The following TTC29 variants were observed in gnomAD, a reference collection of about 807,000 sequenced individuals.
TTC29 encodes the protein tetratricopeptide repeat domain 29.
A neutral mutation model predicts 58.1 loss-of-function variants in TTC29; 49 were observed. That is an observed-to-expected ratio of 0.84 (90% confidence interval 0.67 to 1.07). The LOEUF is 1.07. TTC29 is among the 50% of genes least tolerant of loss of function. The probability of loss-of-function intolerance (pLI) is 0.00; values close to 1 mark genes in which losing one functional copy is unlikely to be tolerated. For synonymous variants in TTC29, 209 were observed against 196.8 expected (o/e 1.06, Z -0.52); for missense variants, 582 against 555.6 (o/e 1.05, Z -0.48).
chr4:146,934,257 A>T (rs1021489758), intron 4 of TTC29: 3 of 152,290 alleles, frequency 2.0e-5, no homozygotes, highest in Non-Finnish European at 4.4e-5. Context: ...AATGAAGACC[A>T]GGAGATGAAC....
intron 8 of TTC29, 40 bp from the exon 9 acceptor site, chr4:146,833,937 C>T (rs750854671): frequency 2.3e-6 from 3 of 1,306,778 alleles, no homozygotes; most frequent in African/African-American, 1.5e-5. Context: ...TATAGCACAG[C>T]CAGATACGCT....
chr4:146,742,749 T>TCCCTCCCCTCCCCTC (rs1245952141), intron 11 of TTC29, among the ~76,000 whole-genome samples: 2 of 125,224 alleles, frequency 1.6e-5, no homozygotes, highest in Admixed American at 8.3e-5. Flanking sequence ...CCCCTCCCTT[T>TCCCTCCCCTCCCCTC]CCCTCCCCTC....
chr4:146,866,339 G>A lies in TTC29; in HGVS notation c.885+1159C>T, dbSNP rs112435425. On this transcript the variant is annotated intron_variant, in intron 8 of 12. Transcript: ENST00000325106. Reference sequence around the variant, plus strand: ...GAGTATGTCCATGTTGAGTGTGTACGCATGTGTGCACACACGTATATTTGC... The same window carrying A: ...GAGTATGTCCATGTTGAGTGTGTACACATGTGTGCACACACGTATATTTGC... 9.0e-3 allele frequency among the ~76,000 whole-genome samples: 1,366 copies of A among 152,222 alleles called. 6 individuals carry two copies. Among genetic ancestry groups the A allele is most frequent in the Middle Eastern group, 0.02 (6 of 294 alleles).
At chr4:146,902,869 T>A (rs918338240) in intron 6 of TTC29, among the ~76,000 whole-genome samples, 4 of 152,214 alleles carry the variant, frequency 2.6e-5, no homozygotes, top group African/African-American at 4.8e-5. Flanking sequence ...AAGTAAAAAC[T>A]TTTATGCAAA....
At chr4:146,848,199 T>A (rs1439417339) in intron 8 of TTC29, among the ~76,000 whole-genome samples, 2 of 152,212 alleles carry the variant, frequency 1.3e-5, no homozygotes, top group African/African-American at 4.8e-5. Flanking sequence ...AAACACACAT[T>A]ATACTTTCTT....
chr4:146,939,916 A>T lies in TTC29; in HGVS notation c.-6-15T>A. On this transcript the variant is annotated splice_polypyrimidine_tract_variant and intron_variant, in intron 2 of 12. Coordinates refer to ENST00000325106, the MANE Select transcript of TTC29 (RefSeq NM_031956.4). ...GTCATTTCGGACTACAAAAAGAAATAAGTAGAAATTGTATTTTAAGGAATA... is the reference window on the plus strand; with the variant it reads ...GTCATTTCGGACTACAAAAAGAAATTAGTAGAAATTGTATTTTAAGGAATA... The T allele has an allele frequency of 6.3e-7, 1 of 1,593,952 alleles. No homozygotes were observed. Among genetic ancestry groups the T allele is most frequent in the South Asian group, 1.1e-5 (1 of 87,922 alleles).
chr4:146,863,396 A>G (rs1337621823), intron 8 of TTC29, among the ~76,000 whole-genome samples: 1 of 151,644 alleles, frequency 6.6e-6, no homozygotes, highest in Non-Finnish European at 1.5e-5. Flanking sequence ...AACACTATTA[A>G]CTCTCTCTCT....
chr4:146,825,336 T>C (rs116496136), intron 9 of TTC29, among the ~76,000 whole-genome samples: 22 of 152,316 alleles, frequency 1.4e-4, no homozygotes, highest in Non-Finnish European at 2.9e-4. Context: ...AACTTCTTAA[T>C]CTCCATCCTA....
At chr4:146,892,379 A>G (rs1411620148) in intron 6 of TTC29, among the ~76,000 whole-genome samples, 8 of 152,224 alleles carry the variant, frequency 5.3e-5, no homozygotes. Flanking sequence ...CTGGTTCAAC[A>G]TACGCAAATC....
chr4:146,934,289 T>C (rs1735585236), intron 4 of TTC29: 1 of 152,126 alleles, frequency 6.6e-6, no homozygotes, highest in South Asian at 2.1e-4. Flanking sequence ...TTTGGAGTTG[T>C]AGCTGATCGG....
At chr4:146,868,346 C>T (rs1457873791) in intron 7 of TTC29, among the ~76,000 whole-genome samples, 4 of 152,124 alleles carry the variant, frequency 2.6e-5, no homozygotes, top group Non-Finnish European at 5.9e-5. Context: ...ACATTGTGCA[C>T]ATGTACCCTA....
At chr4:146,879,586 A>G (rs977433592) in intron 6 of TTC29, among the ~76,000 whole-genome samples, 1 of 152,192 alleles carries the variant, frequency 6.6e-6, no homozygotes, top group African/African-American at 2.4e-5. Flanking sequence ...GGCTTATAGC[A>G]TTCCTTTATA....
chr4:146,817,160 C>A (rs1411392011), intron 10 of TTC29, among the ~76,000 whole-genome samples: 1 of 152,218 alleles, frequency 6.6e-6, no homozygotes, highest in Non-Finnish European at 1.5e-5. Flanking sequence ...TTGCAGACGA[C>A]ATGATTGTAT....
chr4:146,930,118 T>TAC lies in TTC29; in HGVS notation c.176+7474_176+7475dup, dbSNP rs1553942405. Among the ~76,000 whole-genome samples the TAC allele has an allele frequency of 8.9e-3, 1,146 of 128,694 alleles. 21 individuals carry two copies. Among genetic ancestry groups the TAC allele is most frequent in the East Asian group, 0.022 (93 of 4,150 alleles). 84.4% of individuals were successfully genotyped at this position (128,694 alleles called of 152,430 possible). A position where few individuals can be genotyped will look rare whatever the true frequency, so the allele number is the denominator to read the frequency against. ...ATATATATATATATATATATATATA[T>TAC]ACACACATATATATCTTGATAAGTT... On this transcript the variant is annotated intron_variant, in intron 4 of 12. Transcript: ENST00000325106.
intron 11 of TTC29, among the ~76,000 whole-genome samples, chr4:146,736,876 G>A (rs764085447): frequency 6.6e-6 from 1 of 152,182 alleles, no homozygotes; most frequent in Non-Finnish European, 1.5e-5. Flanking sequence ...CAAGCAGGGA[G>A]CCTCTGGGCT....
chr4:146,835,729 C>T (rs1049278093), intron 8 of TTC29, among the ~76,000 whole-genome samples: 1 of 152,136 alleles, frequency 6.6e-6, no homozygotes, highest in African/African-American at 2.4e-5. Flanking sequence ...GCTTATATTG[C>T]ACCACTCTCT....
At chr4:146,750,093 T>C (rs1403126139) in intron 11 of TTC29, among the ~76,000 whole-genome samples, 3 of 152,126 alleles carry the variant, frequency 2.0e-5, no homozygotes, top group African/African-American at 7.2e-5. Context: ...CTGCAAGCTC[T>C]GCCTCCTGGG....
intron 11 of TTC29, among the ~76,000 whole-genome samples, chr4:146,790,267 C>A (rs988598961): frequency 6.6e-6 from 1 of 151,800 alleles, no homozygotes; most frequent in African/African-American, 2.4e-5. Flanking sequence ...CGGCTCTCTG[C>A]AAGCTCTGCC....
chr4:146,857,778 T>TC (rs5862777), intron 8 of TTC29, among the ~76,000 whole-genome samples: 1 of 151,900 alleles, frequency 6.6e-6, no homozygotes, highest in African/African-American at 2.4e-5. Context: ...TGAGTAGCTC[T>TC]ATGTTTAAAG....
Sources: gnomAD v4.1 joint callset for allele counts (sites outside exome capture counted in the v4.1 genomes callset) on GRCh38, gnomAD v4.1.1 for gene constraint, MANE v1.5 for transcripts, NCBI Gene and HGNC (gene_info 2026-07-23, HGNC 2026-07-21) for gene names.